The following GCA variants were observed in gnomAD, a reference collection of about 807,000 sequenced individuals.
GCA encodes grancalcin, EF-hand calcium-binding protein.
In GCA, 30 loss-of-function variants were observed where a neutral mutation model predicts 32.6. That is an observed-to-expected ratio of 0.92 (90% CI 0.69 to 1.25). GCA has a LOEUF of 1.25. Among genes scored for constraint, GCA ranks in the 50% most tolerant of loss-of-function variants. The pLI, the probability that GCA is intolerant of heterozygous loss-of-function variation, is 0.00. For synonymous variants in GCA, 102 were observed against 84.6 expected (o/e 1.21, Z -1.13); for missense variants, 291 against 266.8 (o/e 1.09, Z -0.63).
At chr2:162,337,171 A>G (rs2105286849) in intron 1 of GCA, among the ~76,000 whole-genome samples, 1 of 152,286 alleles carries the variant, frequency 6.6e-6, no homozygotes, top group South Asian at 2.1e-4. Context: ...CTAGCTTCTG[A>G]TCAGATTCAG....
chr2:162,358,877 T>G (rs961040433), intron 5 of GCA, among the ~76,000 whole-genome samples, 167 bp from the exon 6 acceptor site: 1 of 151,500 alleles, frequency 6.6e-6, no homozygotes, highest in Non-Finnish European at 1.5e-5. Context: ...TTAACAGGAT[T>G]AACAGTGAAG....
At chr2:162,352,550 G>A (rs755591171) in intron 3 of GCA, 143 bp downstream of exon 3, 24 of 589,880 alleles carry the variant, frequency 4.1e-5, no homozygotes, top group Non-Finnish European at 5.1e-5. Flanking sequence ...TGTAAAACTC[G>A]TTATGAAAAT....
chr2:162,318,803 A>G (rs538561569), upstream of GCA: 1 of 166,976 alleles, frequency 6.0e-6, no homozygotes, highest in African/African-American at 2.4e-5. Context: ...TGAAGAGAGG[A>G]GGCCTTTGGT....
intron 1 of GCA, among the ~76,000 whole-genome samples, chr2:162,325,486 A>G (rs1683841811): frequency 1.3e-5 from 2 of 152,290 alleles, no homozygotes; most frequent in Admixed American, 1.3e-4. Flanking sequence ...CAGGAGATAG[A>G]GAGGTGTGTT....
chr2:162,335,028 T>C, intron 1 of GCA, among the ~76,000 whole-genome samples: 1 of 152,170 alleles, frequency 6.6e-6, no homozygotes, highest in East Asian at 1.9e-4. Context: ...CCTCAAACTA[T>C]CTTTGGGTAG....
At chr2:162,356,318 G>T in intron 3 of GCA, 120 bp from the exon 4 acceptor site, 1 of 678,530 alleles carries the variant, frequency 1.5e-6, no homozygotes, top group Non-Finnish European at 2.7e-6. Context: ...CTTGTTGATT[G>T]TGGTGATTTT....
intron 3 of GCA, among the ~76,000 whole-genome samples, chr2:162,355,702 C>G (rs923132460): frequency 6.6e-6 from 1 of 151,308 alleles, no homozygotes; most frequent in African/African-American, 2.4e-5. Flanking sequence ...CAAATCACCC[C>G]TGGTTTTAAG....
chr2:162,329,731 T>C (rs573915503), intron 1 of GCA, among the ~76,000 whole-genome samples: 1 of 152,178 alleles, frequency 6.6e-6, no homozygotes, highest in East Asian at 1.9e-4. Flanking sequence ...GTTTATTACA[T>C]AGGTAAACTT....
In GCA at chr2:162,360,702, G is replaced by T. The variant is rs1685533910; in HGVS notation, c.*459G>T. 2 of 1,358,212 alleles carry T rather than the reference G, an allele frequency of 1.5e-6. No individual in the cohort carries two copies. The highest frequency in any genetic ancestry group is 1.9e-6 in the Non-Finnish European group (2 of 1,058,270). 84.1% of individuals were successfully genotyped at this position (1,358,212 alleles called of 1,614,324 possible). A position where few individuals can be genotyped will look rare whatever the true frequency, so the allele number is the denominator to read the frequency against. On this transcript the variant is annotated 3_prime_UTR_variant, in exon 8 of 8. Coordinates refer to ENST00000437150, the MANE Select transcript of GCA (RefSeq NM_012198.5). Reference sequence around the variant, plus strand: ...GGCTAGAAATGAAAGCCTGGATTTTGTGCCATGTTTGTAATATAGTTTGTT... The same window carrying T: ...GGCTAGAAATGAAAGCCTGGATTTTTTGCCATGTTTGTAATATAGTTTGTT...
At chr2:162,353,748 TG>T (rs1685115520) in intron 3 of GCA, among the ~76,000 whole-genome samples, 1 of 152,228 alleles carries the variant, frequency 6.6e-6, no homozygotes, top group Non-Finnish European at 1.5e-5. Context: ...AGTACCTAGT[TG>T]TGTTGTGTGG....
chr2:162,371,235 G>A (rs1030592727), intron 4 of GCA: 10 of 660,208 alleles, frequency 1.5e-5, no homozygotes, highest in Non-Finnish European at 2.2e-5. Context: ...GTTGGCCTAT[G>A]TTTAGTTTTT....
At chr2:162,373,921 T>C (rs1686061125), downstream of GCA, among the ~76,000 whole-genome samples, 1 of 152,210 alleles carries the variant, frequency 6.6e-6, no homozygotes, top group African/African-American at 2.4e-5. Flanking sequence ...GACTACATGT[T>C]TACTAACCTT....
At chr2:162,319,249 A>G (rs1274135427) in intron 1 of GCA, 1 of 457,084 alleles carries the variant, frequency 2.2e-6, no homozygotes, top group East Asian at 6.9e-5. Flanking sequence ...AGTGAGTAAC[A>G]ATAAACAGTT....
chr2:162,323,884 C>T (rs556017283), intron 1 of GCA, among the ~76,000 whole-genome samples: 17 of 151,936 alleles, frequency 1.1e-4, no homozygotes, highest in South Asian at 6.2e-4. Context: ...ATTGACTTGG[C>T]GATGCGGGCT....
At position 162,362,429 on chromosome 2, in the gene GCA, A is replaced by T. The variant is rs1267945194; in HGVS notation, c.*2186A>T. ...AGTTCACTTTTTCGATGCTTTAAAA[A>T]TAACTGATATTTTTATGATGAACAT... On this transcript the variant is annotated 3_prime_UTR_variant, in exon 8 of 8. Transcript: ENST00000437150. 1.0e-6 allele frequency: 1 copy of T among 969,272 alleles called. No homozygotes were observed. Among genetic ancestry groups the T allele is most frequent in the Non-Finnish European group, 1.2e-6 (1 of 815,552 alleles). The allele number at this position is 969,272 out of a possible 1,614,324, so 60.0% of individuals were successfully genotyped here. A position where few individuals can be genotyped will look rare whatever the true frequency, so the allele number is the denominator to read the frequency against.
At chr2:162,344,076 C>T, upstream of GCA, 3 of 672,812 alleles carry the variant, frequency 4.5e-6, no homozygotes, top group Admixed American at 4.5e-5. Context: ...CGGAACCGTG[C>T]AGGGCGGGGC....
intron 1 of GCA, among the ~76,000 whole-genome samples, chr2:162,332,924 A>T (rs746971636): frequency 2.6e-5 from 4 of 152,110 alleles, no homozygotes; most frequent in Admixed American, 6.5e-5. Flanking sequence ...CTCCAAAAAG[A>T]GTACACTTTT....
rs1054224968 is a variant in GCA, at chr2:162,323,597, G to A, written c.-31+4372G>A. 4.0e-4 allele frequency among the ~76,000 whole-genome samples: 61 copies of A among 152,028 alleles called. 2 individuals carry two copies. The highest frequency in any genetic ancestry group is 1.3e-3 in the African/African-American group (54 of 41,304). On this transcript the variant is annotated intron_variant, in intron 1 of 4. Coordinates refer to the GCA transcript ENST00000429691. ...AATTGATTTTTGTATAAGGTGTAAG[G>A]AAGGAACCCAGTTTCAGCTTTCTAC...
intron 1 of GCA, among the ~76,000 whole-genome samples, chr2:162,329,056 T>C (rs1053945306): frequency 6.6e-6 from 1 of 152,096 alleles, no homozygotes; most frequent in Non-Finnish European, 1.5e-5. Flanking sequence ...GCTGATGTTC[T>C]CCTCTTGATG....
Sources: gnomAD v4.1 joint callset for allele counts (sites outside exome capture counted in the v4.1 genomes callset) on GRCh38, gnomAD v4.1.1 for gene constraint, MANE v1.5 for transcripts, NCBI Gene and HGNC (gene_info 2026-07-23, HGNC 2026-07-21) for gene names.